The following SATB2 variants were observed in gnomAD, a reference collection of about 807,000 sequenced individuals.
SATB2 encodes the protein DNA-binding protein SATB2.
In SATB2, 1 loss-of-function variant was observed where a neutral mutation model predicts 73.4. The ratio of observed to expected loss-of-function variants is 0.01; its 90% confidence interval spans 0.00 to 0.06. The LOEUF (loss-of-function observed/expected upper bound fraction) is 0.06. Among genes scored for constraint, SATB2 ranks in the 10% least tolerant of loss-of-function variants. The pLI is 1.00. For synonymous variants in SATB2, 397 were observed against 367.0 expected (o/e 1.08, Z -0.93); for missense variants, 459 against 945.8 (o/e 0.49, Z 6.75).
rs1296572178 is a variant in SATB2, at chr2:199,308,140, G to A, written c.1740+620C>T. Among the ~76,000 whole-genome samples the A allele has an allele frequency of 1.3e-5, 2 of 152,130 alleles. No individual in the cohort carries two copies. The highest frequency in any genetic ancestry group is 4.8e-5 in the African/African-American group (2 of 41,422). On this transcript the variant is annotated intron_variant, in intron 10 of 10. Coordinates refer to ENST00000417098, the MANE Select transcript of SATB2 (RefSeq NM_001172509.2). This position sits in a 1 kb window ranked among gnomAD's most constrained non-coding sequence, Gnocchi z 4.6. ...AGTTAAACTCAATTACTATGGCAAAGCAATATTATTTCTCTCAATGAGAGC... is the reference window on the plus strand; with the variant it reads ...AGTTAAACTCAATTACTATGGCAAAACAATATTATTTCTCTCAATGAGAGC...
chr2:199,362,658 T>G (rs1689173252), intron 6 of SATB2, among the ~76,000 whole-genome samples: 1 of 152,130 alleles, frequency 6.6e-6, no homozygotes, highest in African/African-American at 2.4e-5. Flanking sequence ...AAGGTAATGC[T>G]CTCCACTGTA....
At chr2:199,336,973 T>C (rs1399960715) in intron 7 of SATB2, among the ~76,000 whole-genome samples, 1 of 152,196 alleles carries the variant, frequency 6.6e-6, no homozygotes, top group East Asian at 1.9e-4. Context: ...CTGTATGTGA[T>C]ACATACTAAG....
chr2:199,355,874 T>C (rs567292159), intron 6 of SATB2, among the ~76,000 whole-genome samples: 47 of 152,162 alleles, frequency 3.1e-4, no homozygotes, highest in Non-Finnish European at 5.7e-4. Flanking sequence ...GCAATATTAA[T>C]TACAGTATTG....
At chr2:199,364,852 T>G (rs1480472232) in intron 6 of SATB2, among the ~76,000 whole-genome samples, 1 of 152,120 alleles carries the variant, frequency 6.6e-6, no homozygotes, top group African/African-American at 2.4e-5. Flanking sequence ...TATAAAAGAT[T>G]CTTTATTAAG....
chr2:199,386,700 GCGCGCGCGCGCGCGCGCACACA>G (rs1559021559), intron 3 of SATB2, among the ~76,000 whole-genome samples: 172 of 2,150 alleles, frequency 0.08, 2 homozygotes, highest in Admixed American at 0.34. Context: ...GCGCAAGCGC[GCGCGCGCGCGCGCGCGCACACA>G]CACACACACA....
intron 2 of SATB2, among the ~76,000 whole-genome samples, chr2:199,433,735 C>T (rs1691572073): frequency 6.6e-6 from 1 of 152,010 alleles, no homozygotes; most frequent in Non-Finnish European, 1.5e-5. Flanking sequence ...CCCTTAGATT[C>T]CCGTCATTTT....
rs938066166 is a variant in SATB2, at chr2:199,302,113, C to T, written c.1740+6647G>A. ...AGAAACTGCACATTTCTTTGGCCTA[C>T]TTTGCCTGCCTACTTTTTAAATTGT... On this transcript the variant is annotated intron_variant, in intron 10 of 10. Coordinates refer to ENST00000417098, the MANE Select transcript of SATB2 (RefSeq NM_001172509.2). 2.0e-5 allele frequency among the ~76,000 whole-genome samples: 3 copies of T among 152,284 alleles called. No homozygotes were observed. The East Asian group carries it at 5.8e-4, about 29-fold the overall frequency.
At chr2:199,290,579 T>G (rs1255140594) in intron 10 of SATB2, among the ~76,000 whole-genome samples, 1 of 152,188 alleles carries the variant, frequency 6.6e-6, no homozygotes, top group African/African-American at 2.4e-5. Flanking sequence ...TTATCATAGT[T>G]TATAATAATT....
chr2:199,403,413 A>G (rs1290981419), intron 3 of SATB2, among the ~76,000 whole-genome samples: 2 of 152,170 alleles, frequency 1.3e-5, no homozygotes, highest in Non-Finnish European at 2.9e-5. Flanking sequence ...CTATAAGGAA[A>G]GAAAGAAAAG....
chr2:199,282,228 C>A (rs1692545997), intron 10 of SATB2, among the ~76,000 whole-genome samples: 1 of 152,058 alleles, frequency 6.6e-6, no homozygotes, highest in African/African-American at 2.4e-5. Context: ...TCTTGTTCAG[C>A]AAAACTAGTT....
At position 199,368,573 on chromosome 2, in the gene SATB2, A is replaced by C. The variant is rs576496178; in HGVS notation, c.700+32T>G. ...CAACTCATGAACCTCAGAAACTGAA[A>C]ACAGGCTTTACAAACAAAAAAGTCA... On this transcript the variant is annotated intron_variant, in intron 6 of 10. Transcript: ENST00000417098. 2.0e-5 allele frequency: 25 copies of C among 1,265,976 alleles called. No homozygotes were observed. The Admixed American group carries it at 2.2e-4, about 11-fold the overall frequency. 78.4% of individuals were successfully genotyped at this position (1,265,976 alleles called of 1,614,324 possible). A position where few individuals can be genotyped will look rare whatever the true frequency, so the allele number is the denominator to read the frequency against.
intron 2 of SATB2, among the ~76,000 whole-genome samples, chr2:199,452,949 A>T: frequency 6.6e-6 from 1 of 152,260 alleles, no homozygotes; most frequent in African/African-American, 2.4e-5. Context: ...AGCTAACCAC[A>T]TAGTAAACAA....
chr2:199,447,593 G>C (rs1490433028), intron 2 of SATB2, among the ~76,000 whole-genome samples: 2 of 152,094 alleles, frequency 1.3e-5, no homozygotes, highest in Non-Finnish European at 2.9e-5. Context: ...GAGGGGGAGA[G>C]AGTAGTTCCA....
intron 7 of SATB2, among the ~76,000 whole-genome samples, chr2:199,340,223 T>C (rs1040338379): frequency 1.3e-5 from 2 of 152,190 alleles, no homozygotes; most frequent in Admixed American, 6.5e-5. Flanking sequence ...GTGGCTTTGA[T>C]GAGTAAACTG....
rs758976199 is a variant in SATB2, at chr2:199,346,300, C to T, written c.1173+2401G>A. The stretch of plus-strand genomic sequence containing the variant: ...AAGTAGCTGGGATTACAGGCACACG[C>T]CACCACGCCCAGCTAATTTTTGTAT... On this transcript the variant is annotated intron_variant, in intron 7 of 10. Transcript: ENST00000417098. Among the ~76,000 whole-genome samples, 438 of 152,114 alleles carry T rather than the reference C, an allele frequency of 2.9e-3. 5 individuals carry two copies. The highest frequency in any genetic ancestry group is 9.7e-4 in the Non-Finnish European group (66 of 67,986).
chr2:199,348,337 A>T (rs10153805), intron 7 of SATB2: 1 of 174,292 alleles, frequency 5.7e-6, no homozygotes, highest in East Asian at 1.6e-4. Flanking sequence ...ATAGTTTTAT[A>T]ATTTGTTTTA....
At chr2:199,413,896 A>G (rs559297544) in intron 3 of SATB2, among the ~76,000 whole-genome samples, 6 of 151,514 alleles carry the variant, frequency 4.0e-5, no homozygotes, top group Admixed American at 2.0e-4. Flanking sequence ...GACAAATAAA[A>G]CTCCTGTTTG....
intron 3 of SATB2, among the ~76,000 whole-genome samples, chr2:199,406,635 CAGA>C (rs1690636615): frequency 1.3e-5 from 2 of 152,210 alleles, no homozygotes; most frequent in South Asian, 4.2e-4. Context: ...GGGCTTAAAT[CAGA>C]AGAATAGACT....
At chr2:199,424,240 C>T (rs1170812891) in intron 3 of SATB2, among the ~76,000 whole-genome samples, 4 of 152,178 alleles carry the variant, frequency 2.6e-5, no homozygotes, top group Admixed American at 6.5e-5. Context: ...TCAAAAGAAA[C>T]CTGCATTTCA....
Sources: allele counts gnomAD v4.1 joint callset (sites outside exome capture counted in the v4.1 genomes callset), GRCh38; gene constraint gnomAD v4.1.1; non-coding constraint Gnocchi (gnomAD v3.1); transcripts MANE v1.5; gene names NCBI Gene and HGNC (gene_info 2026-07-23, HGNC 2026-07-21).